Variants in SLC22A11 observed in about 807,000 individuals in gnomAD.
SLC22A11 encodes the protein organic anion transporter 4.
In SLC22A11, 42 loss-of-function variants were observed where a neutral mutation model predicts 49.4. The observed-to-expected ratio is 0.85, with a 90% CI of 0.66 to 1.10. The LOEUF (loss-of-function observed/expected upper bound fraction) is 1.10. Among genes scored for constraint, SLC22A11 ranks in the 50% least tolerant of loss-of-function variants. The pLI is 0.00. For synonymous variants in SLC22A11, 304 were observed against 315.8 expected (o/e 0.96, Z 0.40); for missense variants, 685 against 731.6 (o/e 0.94, Z 0.74).
chr11:64,571,410 C>G lies in SLC22A11; in HGVS notation c.*368C>G. On this transcript the variant is annotated 3_prime_UTR_variant, in exon 10 of 10. Coordinates refer to ENST00000301891, the MANE Select transcript of SLC22A11 (RefSeq NM_018484.4). ...GGTTCCAATCTCACCCCACCACATA[C>G]AGAGCCCTCATCTGTGAAATGAGAA... The G allele has an allele frequency of 4.1e-6, 1 of 241,890 alleles. No homozygotes were observed. Among genetic ancestry groups the G allele is most frequent in the South Asian group, 6.6e-5 (1 of 15,046 alleles). 15.0% of individuals were successfully genotyped at this position (241,890 alleles called of 1,614,324 possible). A position where few individuals can be genotyped will look rare whatever the true frequency, so the allele number is the denominator to read the frequency against.
chr11:64,559,008 CCT>C, intron 1 of SLC22A11, 125 bp from the exon 2 acceptor site: 1 of 772,896 alleles, frequency 1.3e-6, no homozygotes, highest in Non-Finnish European at 2.2e-6. Flanking sequence ...GCCAGCAGGT[CCT>C]CTCTACCTCT....
intron 2 of SLC22A11, 91 bp from the exon 3 acceptor site, chr11:64,561,913 T>A: frequency 6.9e-7 from 1 of 1,444,992 alleles, no homozygotes; most frequent in Non-Finnish European, 9.3e-7. Flanking sequence ...TCCCCTGGCG[T>A]TGTTGAACTC....
In SLC22A11 at chr11:64,562,416, G is replaced by A. The variant is rs1205634456; in HGVS notation, c.802G>A (p.Ala268Thr). Residue 268 changes from alanine (A) to threonine (T), a missense_variant, in exon 4 of 10, where the codon GCC (alanine) becomes ACC (threonine). Coordinates refer to ENST00000301891, the MANE Select transcript of SLC22A11 (RefSeq NM_018484.4). This position sits in a 1 kb window ranked among gnomAD's most constrained non-coding sequence, Gnocchi z 4.4. ...GCTGGCAGCATCAGTGCCCTTCTTT[G>A]CCATCTCCCTGATATCCTGGTCAGT... Reference protein sequence around the residue: ...LQLAASVPFFAISLISWWLPE... With the variant: ...LQLAASVPFFTISLISWWLPE... 1 of 1,590,170 alleles carries A rather than the reference G, an allele frequency of 6.3e-7. No homozygotes were observed. The highest frequency in any genetic ancestry group is 1.1e-5 in the South Asian group (1 of 89,204).
chr11:64,564,241 C>T lies in SLC22A11; in HGVS notation c.822-67C>T. The T allele has an allele frequency of 6.3e-7, 1 of 1,599,364 alleles. No homozygotes were observed. The highest frequency in any genetic ancestry group is 8.5e-7 in the Non-Finnish European group (1 of 1,171,310). ...CAGCTGGAGGGTCCGTGCCCACTGC[C>T]CCTTTCCACCCCGCCCCGGGGGAGA... On this transcript the variant is annotated intron_variant, in intron 4 of 9. Transcript: ENST00000301891. The surrounding 1 kb of genome is among the most constrained non-coding windows in gnomAD (Gnocchi z 4.2).
chr11:64,560,095 C>T (rs1217135211), intron 2 of SLC22A11, among the ~76,000 whole-genome samples: 1 of 150,876 alleles, frequency 6.6e-6, no homozygotes, highest in South Asian at 2.1e-4. Flanking sequence ...CAGCCTCCAT[C>T]GGAGGACACA....
chr11:64,557,022 C>T (rs1040033467), intron 1 of SLC22A11, among the ~76,000 whole-genome samples: 2 of 152,160 alleles, frequency 1.3e-5, no homozygotes, highest in Non-Finnish European at 2.9e-5. Context: ...ATCGGGGCTC[C>T]GGTTCCAACA....
At position 64,572,499 on chromosome 11, in the gene SLC22A11, C is replaced by T. The variant is rs1473530583; in HGVS notation, c.*1457C>T. 6.6e-6 allele frequency: 1 copy of T among 152,288 alleles called. No homozygotes were observed. Among genetic ancestry groups the T allele is most frequent in the East Asian group, 1.9e-4 (1 of 5,184 alleles). 9.4% of individuals were successfully genotyped at this position (152,288 alleles called of 1,614,324 possible). A position where few individuals can be genotyped will look rare whatever the true frequency, so the allele number is the denominator to read the frequency against. ...CTCTGGGCCACCTCAATCTCAGGCC[C>T]CTCAACTCACCTCTTTCACCCTGTG... On this transcript the variant is annotated 3_prime_UTR_variant, in exon 10 of 10. Transcript: ENST00000301891.
At chr11:64,559,756 C>T (rs1565120351) in intron 2 of SLC22A11, among the ~76,000 whole-genome samples, 2 of 152,136 alleles carry the variant, frequency 1.3e-5, no homozygotes, top group Non-Finnish European at 2.9e-5. Flanking sequence ...CCAAGCAGGG[C>T]TCAGGACACA....
Position 64,565,217 on chromosome 11 carries a change from G to C in SLC22A11, c.943-5G>C. 6.5e-7 allele frequency: 1 copy of C among 1,529,428 alleles called. No individual in the cohort carries two copies. The highest frequency in any genetic ancestry group is 8.8e-7 in the Non-Finnish European group (1 of 1,133,390). 94.7% of individuals were successfully genotyped at this position (1,529,428 alleles called of 1,614,324 possible). A position where few individuals can be genotyped will look rare whatever the true frequency, so the allele number is the denominator to read the frequency against. On this transcript the variant is annotated splice_polypyrimidine_tract_variant and splice_region_variant and intron_variant, in intron 5 of 9. Transcript: ENST00000301891. This position sits in a 1 kb window ranked among gnomAD's most constrained non-coding sequence, Gnocchi z 4.1. ...CATTCACGGTGCCCCCATTCTCCCCGGAAGGTGCTGATGTCCAGCGTGAAG... is the reference window on the plus strand; with the variant it reads ...CATTCACGGTGCCCCCATTCTCCCCCGAAGGTGCTGATGTCCAGCGTGAAG...
intron 1 of SLC22A11, among the ~76,000 whole-genome samples, chr11:64,558,045 G>A (rs1286278175): frequency 1.3e-5 from 2 of 152,070 alleles, no homozygotes; most frequent in African/African-American, 2.4e-5. Flanking sequence ...TGATCCACCC[G>A]CCTCGGCCTC....
chr11:64,564,316 C>T lies in SLC22A11; in HGVS notation c.830C>T (p.Pro277Leu). 1 of 1,614,078 alleles carries T rather than the reference C, an allele frequency of 6.2e-7. No individual in the cohort carries two copies. ...CACCTGCCTCCTTACAGGTGGCTGC[C>T]AGAATCCGCCCGGTGGCTGATTATT... ...FAISLISWWL[P>L]ESARWLIIKG... The change falls in exon 5 of 10, where the codon CCA (proline) becomes CTA (leucine). Residue 277 changes from proline to leucine, a missense_variant. Coordinates refer to ENST00000301891, the MANE Select transcript of SLC22A11 (RefSeq NM_018484.4). The surrounding 1 kb of genome is among the most constrained non-coding windows in gnomAD (Gnocchi z 4.2).
intron 9 of SLC22A11, 64 bp downstream of exon 9, chr11:64,569,922 C>A: frequency 6.6e-7 from 1 of 1,525,200 alleles, no homozygotes. Context: ...TGGAGACAGG[C>A]CTGGGCTGCC....
chr11:64,566,322 G>A (rs1020368190), intron 6 of SLC22A11: 2 of 151,814 alleles, frequency 1.3e-5, no homozygotes, highest in African/African-American at 2.4e-5. Flanking sequence ...TTAGGAAAAC[G>A]TTTCTTTTAT....
chr11:64,570,053 G>A (rs1279093173), intron 9 of SLC22A11, among the ~76,000 whole-genome samples, 195 bp downstream of exon 9: 1 of 152,246 alleles, frequency 6.6e-6, no homozygotes, highest in Non-Finnish European at 1.5e-5. Context: ...GAGAAAGAAA[G>A]TGACTTATCC....
chr11:64,562,840 C>T lies in SLC22A11; in HGVS notation c.821+405C>T, dbSNP rs1281658293. The stretch of plus-strand genomic sequence containing the variant: ...TTCGGCCACAGTGGAAGCGGCCGCT[C>T]TCCCGGTCCCCAAGGCCCCACTGCC... On this transcript the variant is annotated intron_variant, in intron 4 of 9. Transcript: ENST00000301891. The surrounding 1 kb of genome is among the most constrained non-coding windows in gnomAD (Gnocchi z 4.4). Among the ~76,000 whole-genome samples, 2 of 152,246 alleles carry T rather than the reference C, an allele frequency of 1.3e-5. No homozygotes were observed. The highest frequency in any genetic ancestry group is 2.9e-5 in the Non-Finnish European group (2 of 68,044).
In SLC22A11 at chr11:64,565,526, T is replaced by A. The variant is rs1033561425; in HGVS notation, c.1058+189T>A. ...CCTGGCAGGCAGCAGAGAGGGACTA[T>A]GCACAGGTGGGATCTGGAGGCTGCC... On this transcript the variant is annotated intron_variant, in intron 6 of 9. Transcript: ENST00000301891. This position sits in a 1 kb window ranked among gnomAD's most constrained non-coding sequence, Gnocchi z 4.1. 1 of 660,214 alleles carries A rather than the reference T, an allele frequency of 1.5e-6. No individual in the cohort carries two copies. Among genetic ancestry groups the A allele is most frequent in the Non-Finnish European group, 2.8e-6 (1 of 358,772 alleles). The allele number at this position is 660,214 out of a possible 1,614,324, so 40.9% of individuals were successfully genotyped here. A position where few individuals can be genotyped will look rare whatever the true frequency, so the allele number is the denominator to read the frequency against.
At position 64,568,832 on chromosome 11, in the gene SLC22A11, C is replaced by A. The variant is rs866453080; in HGVS notation, c.1382+54C>A. On this transcript the variant is annotated intron_variant, in intron 8 of 9. Transcript: ENST00000301891. ...GGCCAGCAGGGCCGTCCTGAGAGGG[C>A]GGTGGGAAGGGAAAGAAGGGTCTGG... is the stretch of plus-strand genomic sequence containing the variant. The A allele has an allele frequency of 1.5e-5, 23 of 1,506,004 alleles. 1 individual carries two copies. The South Asian group carries it at 2.5e-4, about 16-fold the overall frequency. The allele number at this position is 1,506,004 out of a possible 1,614,324, so 93.3% of individuals were successfully genotyped here.
intron 7 of SLC22A11, among the ~76,000 whole-genome samples, 197 bp downstream of exon 7, chr11:64,568,010 G>A (rs1212169155): frequency 2.0e-5 from 3 of 152,242 alleles, no homozygotes; most frequent in Admixed American, 6.5e-5. Flanking sequence ...TGGGGGAAAG[G>A]GACAGGGCGG....
chr11:64,568,889 G>T lies in SLC22A11; in HGVS notation c.1382+111G>T, dbSNP rs115000584. 1.6e-3 allele frequency: 1,477 copies of T among 915,168 alleles called. 18 individuals are homozygous for T. In the African/African-American group the frequency reaches 0.021, roughly 13 times the overall value. 56.7% of individuals were successfully genotyped at this position (915,168 alleles called of 1,614,324 possible). A position where few individuals can be genotyped will look rare whatever the true frequency, so the allele number is the denominator to read the frequency against. The stretch of plus-strand genomic sequence containing the variant: ...GGGAAATGCAGCCAGGGCCGCTCAG[G>T]GTCCCCCCCAGGACAGCTCTTCCCC... On this transcript the variant is annotated intron_variant, in intron 8 of 9. Transcript: ENST00000301891.
Sources: allele counts gnomAD v4.1 joint callset (sites outside exome capture counted in the v4.1 genomes callset), GRCh38; gene constraint gnomAD v4.1.1; non-coding constraint Gnocchi (gnomAD v3.1); transcripts MANE v1.5; gene names NCBI Gene and HGNC (gene_info 2026-07-23, HGNC 2026-07-21).